Variants in RGS7 observed in about 807,000 individuals in gnomAD.
The protein encoded by RGS7 is regulator of G-protein signaling 7.
RGS7 carries 27 observed loss-of-function variants against 81.1 expected under a neutral mutation model. The ratio of observed to expected loss-of-function variants is 0.33; its 90% CI spans 0.25 to 0.46. RGS7 has a LOEUF of 0.46. Among genes scored for constraint, RGS7 ranks in the 20% least tolerant of loss-of-function variants. The pLI is 1.00. For missense variants in RGS7, 396 were observed against 607.4 expected (o/e 0.65, Z 3.66); for synonymous variants, 208 against 207.7 (o/e 1.00, Z -0.01).
chr1:240,976,072 G>C (rs1245442049), intron 4 of RGS7, among the ~76,000 whole-genome samples: 1 of 152,258 alleles, frequency 6.6e-6, no homozygotes, highest in Non-Finnish European at 1.5e-5. Context: ...TGAAGGGCAA[G>C]AGAATGAAAA....
At chr1:240,818,240 C>T in intron 10 of RGS7, among the ~76,000 whole-genome samples, 1 of 152,008 alleles carries the variant, frequency 6.6e-6, no homozygotes, top group Middle Eastern at 3.4e-3. Flanking sequence ...ATTCATTCAA[C>T]ATTTATTGAA....
At chr1:241,328,089 A>G (rs2081727301) in intron 2 of RGS7, among the ~76,000 whole-genome samples, 1 of 152,224 alleles carries the variant, frequency 6.6e-6, no homozygotes, top group Non-Finnish European at 1.5e-5. Context: ...TTATGAAGTC[A>G]GGATTGTTAC....
At chr1:241,026,985 A>C (rs886923513) in intron 3 of RGS7, among the ~76,000 whole-genome samples, 2 of 151,758 alleles carry the variant, frequency 1.3e-5, no homozygotes, top group Non-Finnish European at 2.9e-5. Context: ...TTTAAGAAAA[A>C]ACAAGGTTCC....
At chr1:241,199,490 A>G (rs558430603) in intron 2 of RGS7, among the ~76,000 whole-genome samples, 2 of 152,278 alleles carry the variant, frequency 1.3e-5, no homozygotes, top group East Asian at 3.9e-4. Context: ...ATTATACAGA[A>G]TGGTAAAATA....
intron 6 of RGS7, among the ~76,000 whole-genome samples, chr1:240,906,050 C>T (rs1409735104): frequency 6.6e-6 from 1 of 152,112 alleles, no homozygotes; most frequent in Non-Finnish European, 1.5e-5. Context: ...ACCCATATTG[C>T]CACACTGGTT....
At chr1:241,216,447 T>C (rs1178414922) in intron 2 of RGS7, among the ~76,000 whole-genome samples, 3 of 152,208 alleles carry the variant, frequency 2.0e-5, no homozygotes, top group African/African-American at 4.8e-5. Context: ...AGCTCACTTT[T>C]AGAAAAACGT....
At position 241,232,783 on chromosome 1, in the gene RGS7, C is replaced by T. The variant is rs530775672; in HGVS notation, c.78+122916G>A. On this transcript the variant is annotated intron_variant, in intron 2 of 18. Coordinates refer to ENST00000440928, the MANE Select transcript of RGS7 (RefSeq NM_001364886.1). ...CATAGAATCTTCCTATCTGTGAACA[C>T]GTAATGTCTCTCCATTTCTGTAGAT... Among the ~76,000 whole-genome samples, 4 of 151,986 alleles carry T rather than the reference C, an allele frequency of 2.6e-5. No homozygotes were observed. In the East Asian group the frequency reaches 5.8e-4, roughly 22 times the overall value.
At chr1:241,232,998 C>T (rs1474624119) in intron 2 of RGS7, among the ~76,000 whole-genome samples, 4 of 152,042 alleles carry the variant, frequency 2.6e-5, no homozygotes, top group African/African-American at 7.2e-5. Flanking sequence ...ATCTTATAAT[C>T]TTTTTACAGG....
At position 241,271,337 on chromosome 1, in the gene RGS7, C is replaced by T. The variant is rs2077885593; in HGVS notation, c.78+84362G>A. Reference sequence around the variant, plus strand: ...GGACCAGTAAAAAATCTGTACTGAACTGAAATTTTTATGCCTCAACATTTT... The same window carrying T: ...GGACCAGTAAAAAATCTGTACTGAATTGAAATTTTTATGCCTCAACATTTT... On this transcript the variant is annotated intron_variant, in intron 2 of 18. Transcript: ENST00000440928. This position sits in a 1 kb window ranked among gnomAD's most constrained non-coding sequence, Gnocchi z 4.6. 6.6e-6 allele frequency among the ~76,000 whole-genome samples: 1 copy of T among 152,172 alleles called. No homozygotes were observed. The highest frequency in any genetic ancestry group is 1.5e-5 in the Non-Finnish European group (1 of 68,034).
intron 3 of RGS7, among the ~76,000 whole-genome samples, chr1:241,066,690 C>G (rs2062082411): frequency 3.3e-5 from 5 of 152,190 alleles, no homozygotes. Flanking sequence ...CAAAGACCCA[C>G]TAAAAGGCAC....
At chr1:240,989,693 T>A (rs888169829) in intron 3 of RGS7, among the ~76,000 whole-genome samples, 2 of 152,078 alleles carry the variant, frequency 1.3e-5, no homozygotes, top group Non-Finnish European at 2.9e-5. Flanking sequence ...GGCATCGACA[T>A]TTTTTTAATT....
chr1:241,334,754 T>C (rs977987724), intron 2 of RGS7, among the ~76,000 whole-genome samples: 4 of 151,956 alleles, frequency 2.6e-5, no homozygotes, highest in Non-Finnish European at 4.4e-5. Flanking sequence ...ACCAAAGAAA[T>C]TGCAAGAAAA....
intron 5 of RGS7, among the ~76,000 whole-genome samples, chr1:240,932,265 C>T (rs2148350742): frequency 6.6e-6 from 1 of 152,180 alleles, no homozygotes; most frequent in East Asian, 1.9e-4. Context: ...AGGCTACTAA[C>T]AGTAGTTTTG....
At chr1:240,976,177 T>C (rs565777500) in intron 4 of RGS7, among the ~76,000 whole-genome samples, 1 of 152,308 alleles carries the variant, frequency 6.6e-6, no homozygotes, top group African/African-American at 2.4e-5. Flanking sequence ...AATAGCAAAA[T>C]AGCACAGGGC....
chr1:241,083,699 A>T (rs1332263733), intron 3 of RGS7, among the ~76,000 whole-genome samples: 1 of 151,720 alleles, frequency 6.6e-6, no homozygotes, highest in African/African-American at 2.4e-5. Flanking sequence ...TTTTTAGTAT[A>T]CTCTTTCTTT....
intron 2 of RGS7, among the ~76,000 whole-genome samples, chr1:241,153,132 T>C (rs926688409): frequency 6.6e-6 from 1 of 152,216 alleles, no homozygotes; most frequent in Non-Finnish European, 1.5e-5. Flanking sequence ...ATAGTCATTG[T>C]TGATTTGCAC....
At chr1:241,347,077 C>G (rs1478655584) in intron 2 of RGS7, among the ~76,000 whole-genome samples, 1 of 152,148 alleles carries the variant, frequency 6.6e-6, no homozygotes, top group Non-Finnish European at 1.5e-5. Flanking sequence ...GAAAAAATTT[C>G]TATGAAACCA....
At chr1:240,781,389 T>C (rs966136450) in intron 18 of RGS7, among the ~76,000 whole-genome samples, 5 of 152,308 alleles carry the variant, frequency 3.3e-5, no homozygotes, top group African/African-American at 9.6e-5. Flanking sequence ...GCGGATCACC[T>C]GAGGTCAGGA....
chr1:240,850,585 C>T (rs1166184039), intron 9 of RGS7, among the ~76,000 whole-genome samples: 1 of 152,014 alleles, frequency 6.6e-6, no homozygotes, highest in Non-Finnish European at 1.5e-5. Context: ...AGGAAGAGTC[C>T]CAAGTCTCTC....
Sources: gnomAD v4.1 joint callset for allele counts (sites outside exome capture counted in the v4.1 genomes callset) on GRCh38, gnomAD v4.1.1 for gene constraint, Gnocchi (gnomAD v3.1) non-coding constraint, MANE v1.5 for transcripts, NCBI Gene and HGNC (gene_info 2026-07-23, HGNC 2026-07-21) for gene names.